TEC: variants seen among roughly 807,000 people sequenced by gnomAD.
TEC encodes the protein tyrosine-protein kinase Tec.
In TEC, 72 loss-of-function variants were observed where a neutral mutation model predicts 93.0. That is an observed-to-expected ratio of 0.77 (90% CI 0.64 to 0.94). The LOEUF (loss-of-function observed/expected upper bound fraction) is 0.94. Among genes scored for constraint, TEC ranks in the 40% least tolerant of loss-of-function variants. The pLI is 0.00. For missense variants in TEC, 630 were observed against 757.9 expected, an observed-to-expected ratio of 0.83 and a Z score of 1.98; for synonymous variants, 249 against 247.7, an observed-to-expected ratio of 1.01 and a Z score of -0.05.
At chr4:48,220,408 T>A (rs1194974080) in intron 2 of TEC, among the ~76,000 whole-genome samples, 1 of 152,038 alleles carries the variant, frequency 6.6e-6, no homozygotes, top group Non-Finnish European at 1.5e-5. Flanking sequence ...AGATCCCTCA[T>A]GAATGGCCTG....
Position 48,228,466 on chromosome 4 carries a change from T to C in TEC, c.138+11A>G. 1 of 1,567,736 alleles carries C rather than the reference T, an allele frequency of 6.4e-7. No homozygotes were observed. Among genetic ancestry groups the C allele is most frequent in the Non-Finnish European group, 8.6e-7 (1 of 1,163,012 alleles). On this transcript the variant is annotated intron_variant, in intron 2 of 17. Coordinates refer to ENST00000381501, the MANE Select transcript of TEC (RefSeq NM_003215.3). ...TAGAAAGCAGAAAAGTAAATCGTGA[T>C]TGTCTCTTACCTCTGCTCGACCCTC...
intron 2 of TEC, among the ~76,000 whole-genome samples, chr4:48,194,121 G>C (rs897765668): frequency 3.9e-5 from 6 of 152,300 alleles, no homozygotes; most frequent in Middle Eastern, 3.4e-3. Context: ...AGCCCTGAGG[G>C]TGGGAAACCC....
chr4:48,151,642 A>T (rs921847801), intron 9 of TEC, among the ~76,000 whole-genome samples: 2 of 152,148 alleles, frequency 1.3e-5, no homozygotes, highest in Non-Finnish European at 2.9e-5. Flanking sequence ...GTGCAACACC[A>T]TGTCCAGCTA....
intron 1 of TEC, among the ~76,000 whole-genome samples, chr4:48,254,717 G>A (rs772718926): frequency 1.2e-4 from 18 of 152,226 alleles, no homozygotes; most frequent in South Asian, 4.1e-4. Context: ...TAATTTTTCC[G>A]ATGTCTATGA....
intron 1 of TEC, among the ~76,000 whole-genome samples, chr4:48,255,311 G>C (rs1724313194): frequency 6.6e-6 from 1 of 152,158 alleles, no homozygotes; most frequent in Non-Finnish European, 1.5e-5. Flanking sequence ...CCCAGAGGAA[G>C]AGCTCCCCCT....
chr4:48,235,051 G>C (rs1404976932), intron 1 of TEC, among the ~76,000 whole-genome samples: 5 of 152,036 alleles, frequency 3.3e-5, no homozygotes, highest in African/African-American at 1.2e-4. Context: ...TTATAAGGTG[G>C]GAACAAGGAA....
intron 14 of TEC, among the ~76,000 whole-genome samples, chr4:48,143,363 G>A (rs1460912735): frequency 6.6e-6 from 1 of 152,156 alleles, no homozygotes; most frequent in East Asian, 1.9e-4. Flanking sequence ...CCACACCCAC[G>A]TAGATACTCA....
intron 1 of TEC, among the ~76,000 whole-genome samples, chr4:48,264,198 T>C (rs1199107718): frequency 2.6e-5 from 4 of 151,918 alleles, no homozygotes; most frequent in Admixed American, 6.6e-5. Flanking sequence ...CTCCAAAAGG[T>C]TAAATAATTA....
intron 11 of TEC, among the ~76,000 whole-genome samples, chr4:48,149,101 T>C (rs1387224088): frequency 6.6e-6 from 1 of 152,214 alleles, no homozygotes; most frequent in Non-Finnish European, 1.5e-5. Context: ...TAATTCCATG[T>C]CTTTGCTATT....
chr4:48,218,568 A>G (rs139652675), intron 2 of TEC, among the ~76,000 whole-genome samples: 1 of 152,324 alleles, frequency 6.6e-6, no homozygotes, highest in East Asian at 1.9e-4. Context: ...AACCCTAGGA[A>G]GTGCTGAAAG....
chr4:48,248,432 A>C (rs1012658643), intron 1 of TEC, among the ~76,000 whole-genome samples: 1 of 152,126 alleles, frequency 6.6e-6, no homozygotes. Flanking sequence ...TACACAGCAC[A>C]TTGCATGTCT....
intron 2 of TEC, among the ~76,000 whole-genome samples, chr4:48,206,698 T>C (rs915263923): frequency 6.6e-6 from 1 of 150,946 alleles, no homozygotes; most frequent in Non-Finnish European, 1.5e-5. Flanking sequence ...TCTCAGCACT[T>C]TGGAAGGCTT....
intron 1 of TEC, among the ~76,000 whole-genome samples, chr4:48,230,103 AAAT>A (rs1723604394): frequency 8.5e-6 from 1 of 118,266 alleles, no homozygotes; most frequent in South Asian, 3.3e-4. Context: ...TAATAATAAT[AAAT>A]AAATAACTGC....
At chr4:48,164,924 A>G (rs1720820181) in intron 7 of TEC, among the ~76,000 whole-genome samples, 1 of 152,080 alleles carries the variant, frequency 6.6e-6, no homozygotes, top group Non-Finnish European at 1.5e-5. Context: ...AATCACTTGA[A>G]CCTAGGAGGC....
In TEC at chr4:48,191,211, C is replaced by T. The variant is rs192152317; in HGVS notation, c.139-15025G>A. Among the ~76,000 whole-genome samples, 3 of 152,316 alleles carry T rather than the reference C, an allele frequency of 2.0e-5. No homozygotes were observed. The East Asian group carries it at 5.8e-4, about 29-fold the overall frequency. On this transcript the variant is annotated intron_variant, in intron 2 of 17. Transcript: ENST00000381501. Reference sequence around the variant, plus strand: ...GGATTAATTGTGAGATGCTCACAGGCACATAGCATAATTTATCTGGACCCT... The same window carrying T: ...GGATTAATTGTGAGATGCTCACAGGTACATAGCATAATTTATCTGGACCCT...
chr4:48,203,485 C>A (rs917387020), intron 2 of TEC, among the ~76,000 whole-genome samples: 2 of 152,168 alleles, frequency 1.3e-5, no homozygotes, highest in African/African-American at 4.8e-5. Flanking sequence ...ATGCATACTG[C>A]GCAGACCATT....
chr4:48,224,617 T>C (rs1469330908), intron 2 of TEC, among the ~76,000 whole-genome samples: 2 of 152,308 alleles, frequency 1.3e-5, no homozygotes, highest in South Asian at 2.1e-4. Context: ...ATTTGGAATA[T>C]GTGGAAATAC....
chr4:48,177,490 C>T (rs1721377180), intron 2 of TEC, among the ~76,000 whole-genome samples: 1 of 152,178 alleles, frequency 6.6e-6, no homozygotes, highest in Non-Finnish European at 1.5e-5. Context: ...GTCCCCACCC[C>T]ACTCCCAGGA....
chr4:48,238,660 A>ATATATAAATTTATATAAATG (rs1192933734), intron 1 of TEC, among the ~76,000 whole-genome samples: 3 of 149,052 alleles, frequency 2.0e-5, no homozygotes, highest in African/African-American at 7.6e-5. Context: ...TATGCATTAC[A>ATATATAAATTTATATAAATG]TATATAAATT....
Sources: allele counts gnomAD v4.1 joint callset (sites outside exome capture counted in the v4.1 genomes callset), GRCh38; gene constraint gnomAD v4.1.1; transcripts MANE v1.5; gene names NCBI Gene and HGNC (gene_info 2026-07-23, HGNC 2026-07-21).